Variants in RMDN2 observed in about 807,000 individuals in gnomAD.
The protein encoded by RMDN2 is regulator of microtubule dynamics 2.
In RMDN2, 61 loss-of-function variants were observed where a neutral mutation model predicts 52.8. The ratio of observed to expected loss-of-function variants is 1.16; its 90% confidence interval spans 0.94 to 1.43. The LOEUF is 1.43. RMDN2 is among the 40% of genes most tolerant of loss of function. RMDN2 has a pLI of 0.00. For synonymous variants in RMDN2, 180 were observed against 153.1 expected (o/e 1.18, Z -1.30); for missense variants, 592 against 475.3 (o/e 1.25, Z -2.28).
At chr2:37,997,635 C>T (rs1222085511) in intron 8 of RMDN2, 121 bp downstream of exon 8, 19 of 700,766 alleles carry the variant, frequency 2.7e-5, no homozygotes, top group Middle Eastern at 4.8e-4. Flanking sequence ...CTGGTTTTGG[C>T]ATGTTCTGTT....
At chr2:37,927,047 G>A (rs1279614918) in intron 1 of RMDN2, among the ~76,000 whole-genome samples, 4 of 152,168 alleles carry the variant, frequency 2.6e-5, no homozygotes, top group Non-Finnish European at 5.9e-5. Context: ...CAAATTATCA[G>A]TGTTGAAGCA....
chr2:37,950,242 T>G, intron 2 of RMDN2: 1 of 427,428 alleles, frequency 2.3e-6, no homozygotes, highest in Non-Finnish European at 4.4e-6. Flanking sequence ...AGGTAAAGGA[T>G]TGTACAGCTG....
At chr2:38,000,465 C>A (rs1261016816) in intron 8 of RMDN2, among the ~76,000 whole-genome samples, 1 of 152,236 alleles carries the variant, frequency 6.6e-6, no homozygotes, top group African/African-American at 2.4e-5. Context: ...GCATTTTCAT[C>A]ATCCTAGAGA....
intron 10 of RMDN2, among the ~76,000 whole-genome samples, chr2:38,058,081 A>G (rs1387599486): frequency 6.6e-6 from 1 of 152,268 alleles, no homozygotes; most frequent in African/African-American, 2.4e-5. Flanking sequence ...TAGCAGCATT[A>G]GAAAGCCACC....
At chr2:38,007,030 C>T (rs1163676116) in intron 10 of RMDN2, among the ~76,000 whole-genome samples, 1 of 152,176 alleles carries the variant, frequency 6.6e-6, no homozygotes, top group Non-Finnish European at 1.5e-5. Context: ...TATGTTGAAC[C>T]AGCCTTGCAT....
intron 2 of RMDN2, among the ~76,000 whole-genome samples, chr2:37,942,182 G>C (rs977939469): frequency 6.6e-6 from 1 of 152,074 alleles, no homozygotes; most frequent in Non-Finnish European, 1.5e-5. Context: ...TGCACTTCCT[G>C]GGTGAGGCGA....
chr2:37,983,346 C>T (rs952343735), intron 5 of RMDN2, among the ~76,000 whole-genome samples: 2 of 152,084 alleles, frequency 1.3e-5, no homozygotes, highest in African/African-American at 2.4e-5. Context: ...TCTGGGTTTC[C>T]CAGTCTGTCT....
At chr2:37,932,711 G>A (rs1414853618) in intron 2 of RMDN2, among the ~76,000 whole-genome samples, 20 of 143,832 alleles carry the variant, frequency 1.4e-4, no homozygotes, top group East Asian at 4.3e-4. Context: ...CCTCCCTCCC[G>A]GACGGGGCGG....
At position 37,933,016 on chromosome 2, in the gene RMDN2, A is replaced by T. The variant is rs1263227656; in HGVS notation, c.452+3287A>T. 6.2e-5 allele frequency among the ~76,000 whole-genome samples: 9 copies of T among 146,336 alleles called. No individual in the cohort carries two copies. In the South Asian group the frequency reaches 1.8e-3, roughly 29 times the overall value. On this transcript the variant is annotated intron_variant, in intron 2 of 10. Coordinates refer to ENST00000354545, the MANE Select transcript of RMDN2 (RefSeq NM_001170791.3). Reference sequence around the variant, plus strand: ...TGGGTGGAGGGGCTCCTCACTTCTCAGACGGGGCGGCTGCCGGGCGGAGGG... The same window carrying T: ...TGGGTGGAGGGGCTCCTCACTTCTCTGACGGGGCGGCTGCCGGGCGGAGGG...
intron 2 of RMDN2, among the ~76,000 whole-genome samples, chr2:37,961,929 C>T (rs888500252): frequency 1.3e-5 from 2 of 152,172 alleles, no homozygotes; most frequent in African/African-American, 4.8e-5. Flanking sequence ...TGTTAGTTTT[C>T]CTTCTAACAG....
In RMDN2 at chr2:37,951,734, A is replaced by G. The variant is rs75699143; in HGVS notation, c.452+22005A>G. The G allele has an allele frequency of 1.3e-3, 2,026 of 1,612,618 alleles. 39 individuals carry two copies. The East Asian group carries it at 0.036, about 29-fold the overall frequency. ...CTTCAAGTAATACTGATGCTAAAAA[A>G]CATATAACCATCTCTGCTCCTGAAT... On this transcript the variant is annotated intron_variant, in intron 2 of 10. Transcript: ENST00000354545.
chr2:37,977,497 C>G (rs182137095), intron 4 of RMDN2, among the ~76,000 whole-genome samples: 5,716 of 151,310 alleles, frequency 0.038, 155 homozygotes, highest in Non-Finnish European at 0.052. Flanking sequence ...GGGCGGCTGC[C>G]GGGCGGAGAC....
At chr2:37,981,475 G>T in intron 5 of RMDN2, 132 bp downstream of exon 5, 2 of 620,238 alleles carry the variant, frequency 3.2e-6, no homozygotes, top group Non-Finnish European at 2.9e-6. Flanking sequence ...ATGTATAATA[G>T]CACAGTAACT....
chr2:37,955,580 A>G (rs1669344995), intron 2 of RMDN2, among the ~76,000 whole-genome samples: 1 of 152,050 alleles, frequency 6.6e-6, no homozygotes, highest in South Asian at 2.1e-4. Flanking sequence ...AGGGGGAGGT[A>G]ATTGAATCAT....
intron 10 of RMDN2, among the ~76,000 whole-genome samples, chr2:38,045,492 A>C (rs1265599270): frequency 1.3e-5 from 2 of 152,218 alleles, no homozygotes; most frequent in Admixed American, 1.3e-4. Context: ...GGAGCAGGCA[A>C]CTTCTTCCTC....
At chr2:38,028,977 G>C (rs1222944984) in intron 10 of RMDN2, among the ~76,000 whole-genome samples, 1 of 152,126 alleles carries the variant, frequency 6.6e-6, no homozygotes, top group Non-Finnish European at 1.5e-5. Flanking sequence ...GGCTGCAGCT[G>C]TTTTTATGTG....
intron 2 of RMDN2, among the ~76,000 whole-genome samples, chr2:37,971,048 T>C (rs559733887): frequency 6.6e-6 from 1 of 152,218 alleles, no homozygotes; most frequent in South Asian, 2.1e-4. Context: ...CCTAAGTTTT[T>C]CATTTTGATA....
chr2:38,008,450 C>G (rs368374460), intron 10 of RMDN2, among the ~76,000 whole-genome samples: 1 of 152,144 alleles, frequency 6.6e-6, no homozygotes, highest in Non-Finnish European at 1.5e-5. Flanking sequence ...GATCCCTTTA[C>G]CATTATGTAA....
intron 2 of RMDN2, among the ~76,000 whole-genome samples, chr2:37,970,455 T>A (rs1380597454): frequency 6.6e-6 from 1 of 152,198 alleles, no homozygotes; most frequent in Admixed American, 6.5e-5. Flanking sequence ...ATTGAGGATT[T>A]TTGCATTTAT....
Sources: gnomAD v4.1 joint callset for allele counts (sites outside exome capture counted in the v4.1 genomes callset) on GRCh38, gnomAD v4.1.1 for gene constraint, MANE v1.5 for transcripts, NCBI Gene and HGNC (gene_info 2026-07-23, HGNC 2026-07-21) for gene names.